Variants in ACOXL observed in about 807,000 individuals in gnomAD.
The protein encoded by ACOXL is acyl-coenzyme A oxidase-like protein.
Under a neutral mutation model 71.9 loss-of-function variants are expected in ACOXL, and 70 were observed. That is an observed-to-expected ratio of 0.97 (90% CI 0.80 to 1.19). The LOEUF is 1.19. Ranked by LOEUF, ACOXL falls within the 50% of genes most tolerant of loss-of-function variation. ACOXL has a pLI of 0.00. For missense variants in ACOXL, 703 were observed against 736.3 expected, an observed-to-expected ratio of 0.95 and a Z score of 0.52; for synonymous variants, 253 against 281.6, an observed-to-expected ratio of 0.90 and a Z score of 1.02.
In ACOXL at chr2:110,940,255, A is replaced by G. The variant is rs868606554; in HGVS notation, c.1059+6613A>G. ...GCCTACTGTTTGCAAAACACAGCCC[A>G]GACTCACTGATCAAACAGAAAGGGT... On this transcript the variant is annotated intron_variant, in intron 12 of 17. Transcript: ENST00000439055. 7.9e-5 allele frequency among the ~76,000 whole-genome samples: 12 copies of G among 152,198 alleles called. No homozygotes were observed. In the South Asian group the frequency reaches 1.0e-3, roughly 13 times the overall value.
chr2:110,821,057 A>G lies in ACOXL; in HGVS notation c.753+15662A>G, dbSNP rs181660819. Among the ~76,000 whole-genome samples, 1,373 of 152,324 alleles carry G rather than the reference A, an allele frequency of 9.0e-3. 8 individuals carry two copies. Among genetic ancestry groups the G allele is most frequent in the Non-Finnish European group, 0.012 (799 of 68,030 alleles). On this transcript the variant is annotated intron_variant, in intron 9 of 17. Transcript: ENST00000439055. ...CATCTGTATGGAAAACTCTATGGCA[A>G]GAACGGCTGTTGTACCTCATAAGTT...
chr2:110,843,687 C>T (rs1691455745), intron 10 of ACOXL, among the ~76,000 whole-genome samples: 1 of 152,192 alleles, frequency 6.6e-6, no homozygotes, highest in African/African-American at 2.4e-5. Context: ...AGGCTCCAGC[C>T]CCCACGTTCT....
chr2:111,047,101 T>G (rs1244819163), intron 15 of ACOXL, among the ~76,000 whole-genome samples: 1 of 152,176 alleles, frequency 6.6e-6, no homozygotes, highest in Non-Finnish European at 1.5e-5. Context: ...AGAATCAGGC[T>G]CAGTGGCCTG....
intron 10 of ACOXL, among the ~76,000 whole-genome samples, chr2:110,858,937 GT>G (rs1015735525): frequency 7.9e-5 from 12 of 152,158 alleles, no homozygotes; most frequent in African/African-American, 2.9e-4. Context: ...TTTGAAGAGA[GT>G]TTGCATGCTT....
intron 15 of ACOXL, among the ~76,000 whole-genome samples, chr2:111,044,100 G>A (rs114865436): frequency 3.3e-3 from 510 of 152,304 alleles, no homozygotes; most frequent in Middle Eastern, 0.01. Flanking sequence ...GGCCAGATTC[G>A]AATTTAGAAT....
chr2:111,011,477 G>T (rs2064153010), intron 14 of ACOXL, among the ~76,000 whole-genome samples: 1 of 152,116 alleles, frequency 6.6e-6, no homozygotes, highest in Non-Finnish European at 1.5e-5. Context: ...ATAAGCAAGG[G>T]TCTTCCATAT....
At chr2:110,832,804 T>G (rs1383059561) in intron 9 of ACOXL, among the ~76,000 whole-genome samples, 2 of 152,198 alleles carry the variant, frequency 1.3e-5, no homozygotes, top group African/African-American at 4.8e-5. Flanking sequence ...GACATACAGA[T>G]GGCAAATAAG....
intron 15 of ACOXL, among the ~76,000 whole-genome samples, chr2:111,038,051 G>A (rs1462638066): frequency 6.6e-6 from 1 of 152,164 alleles, no homozygotes; most frequent in East Asian, 1.9e-4. Context: ...CCCTAGGACC[G>A]TATGGAGCAA....
rs549773413 is a variant in ACOXL at position 111,040,593 on chromosome 2, T to C, written c.1370-8625T>C. Among the ~76,000 whole-genome samples, 303 of 152,190 alleles carry C rather than the reference T, an allele frequency of 2.0e-3. 1 individual carries two copies. The highest frequency in any genetic ancestry group is 7.1e-3 in the African/African-American group (293 of 41,530). Reference sequence around the variant, plus strand: ...AACTGAGATGAGAGCCCCCATAGACTAGGAGCCCTGAGAGAACACGGAAGA... The same window carrying C: ...AACTGAGATGAGAGCCCCCATAGACCAGGAGCCCTGAGAGAACACGGAAGA... On this transcript the variant is annotated intron_variant, in intron 15 of 17. Transcript: ENST00000439055.
At chr2:111,033,877 C>T (rs573363384) in intron 15 of ACOXL, among the ~76,000 whole-genome samples, 1 of 152,270 alleles carries the variant, frequency 6.6e-6, no homozygotes, top group South Asian at 2.1e-4. Flanking sequence ...TGAGGATGGA[C>T]TATATGGACT....
At chr2:111,017,211 T>C (rs2064494160) in intron 14 of ACOXL, among the ~76,000 whole-genome samples, 1 of 152,142 alleles carries the variant, frequency 6.6e-6, no homozygotes, top group Non-Finnish European at 1.5e-5. Flanking sequence ...TGTGCAGAAA[T>C]GAGCCTGTTA....
At chr2:110,811,346 G>A (rs2105416803) in intron 9 of ACOXL, among the ~76,000 whole-genome samples, 1 of 152,280 alleles carries the variant, frequency 6.6e-6, no homozygotes, top group South Asian at 2.1e-4. Flanking sequence ...GAGTTGAATG[G>A]GGTTGGTGGG....
At chr2:111,033,678 G>T (rs963302075) in intron 15 of ACOXL, among the ~76,000 whole-genome samples, 1 of 152,108 alleles carries the variant, frequency 6.6e-6, no homozygotes, top group African/African-American at 2.4e-5. Flanking sequence ...CAGATTTGCC[G>T]ATCGGGTTGA....
intron 16 of ACOXL, among the ~76,000 whole-genome samples, chr2:111,069,146 T>C (rs954997287): frequency 1.0e-5 from 1 of 99,010 alleles, no homozygotes; most frequent in Non-Finnish European, 2.4e-5. Context: ...CTTCTTTTTC[T>C]TTTTTTTTTT....
rs542529962 is a variant in ACOXL, at chr2:111,076,642, A to C, written c.1441-16223A>C. Among the ~76,000 whole-genome samples, 3 of 152,082 alleles carry C rather than the reference A, an allele frequency of 2.0e-5. No homozygotes were observed. The East Asian group carries it at 5.8e-4, about 29-fold the overall frequency. ...TTGTTTTCTGTTTTCTCTTCTTTTC[A>C]TTCCTCCATTTCCTCTTACATGTTG... On this transcript the variant is annotated intron_variant, in intron 16 of 17. Transcript: ENST00000439055.
At chr2:110,786,305 A>C (rs1436973798) in intron 3 of ACOXL, among the ~76,000 whole-genome samples, 1 of 152,168 alleles carries the variant, frequency 6.6e-6, no homozygotes, top group East Asian at 1.9e-4. Context: ...GACATTGTCT[A>C]TTGGTAGGTA....
chr2:110,838,056 TGA>T (rs1190803287), intron 9 of ACOXL, among the ~76,000 whole-genome samples: 1 of 152,232 alleles, frequency 6.6e-6, no homozygotes, highest in East Asian at 1.9e-4. Context: ...TGAGCCTCTC[TGA>T]ATGCCAAAGT....
chr2:110,847,585 C>G (rs189727817), intron 10 of ACOXL, among the ~76,000 whole-genome samples: 12 of 152,326 alleles, frequency 7.9e-5, no homozygotes, highest in Non-Finnish European at 1.5e-5. Context: ...AGAGTTGTGA[C>G]TCTTAAGCAA....
chr2:111,028,096 G>A (rs1181476264), intron 14 of ACOXL, among the ~76,000 whole-genome samples: 1 of 151,866 alleles, frequency 6.6e-6, no homozygotes, highest in Non-Finnish European at 1.5e-5. Flanking sequence ...GCTGAGGTTG[G>A]GAGGATTGCA....
Sources: allele counts gnomAD v4.1 joint callset (sites outside exome capture counted in the v4.1 genomes callset), GRCh38; gene constraint gnomAD v4.1.1; transcripts MANE v1.5; gene names NCBI Gene and HGNC (gene_info 2026-07-23, HGNC 2026-07-21).